The following RPH3AL variants were observed in gnomAD, a reference collection of about 807,000 sequenced individuals.
RPH3AL encodes rabphilin 3A like (without C2 domains).
A neutral mutation model predicts 43.1 loss-of-function variants in RPH3AL; 38 were observed. That is an observed-to-expected ratio of 0.88 (90% CI 0.68 to 1.15). The LOEUF is 1.15. Among genes scored for constraint, RPH3AL ranks in the 50% most tolerant of loss-of-function variants. The probability of loss-of-function intolerance (pLI) is 0.00; values close to 1 mark genes in which losing one functional copy is unlikely to be tolerated. For missense variants in RPH3AL, 462 were observed against 423.2 expected, an observed-to-expected ratio of 1.09 and a Z score of -0.81; for synonymous variants, 189 against 176.3, an observed-to-expected ratio of 1.07 and a Z score of -0.57.
At chr17:342,793 T>A in intron 1 of RPH3AL, among the ~76,000 whole-genome samples, 1 of 152,218 alleles carries the variant, frequency 6.6e-6, no homozygotes, top group East Asian at 1.9e-4. Context: ...CCCCCATTAC[T>A]CTGGTGAATG....
rs1254181786 is a variant in RPH3AL, at chr17:264,383, C to T, written c.439-17098G>A. On this transcript the variant is annotated intron_variant, in intron 6 of 9. Transcript: ENST00000331302. This position sits in a 1 kb window ranked among gnomAD's most constrained non-coding sequence, Gnocchi z 4.8. ...CTCAGAATCCGCAGCACGTTGACAGCAGGATTACCCTTCGGAGCCGTGCGC... is the reference window on the plus strand; with the variant it reads ...CTCAGAATCCGCAGCACGTTGACAGTAGGATTACCCTTCGGAGCCGTGCGC... 2.6e-5 allele frequency among the ~76,000 whole-genome samples: 2 copies of T among 75,834 alleles called. No homozygotes were observed. Among genetic ancestry groups the T allele is most frequent in the East Asian group, 1.1e-3 (2 of 1,782 alleles). The allele number at this position is 75,834 out of a possible 152,430, so 49.8% of individuals were successfully genotyped here.
At chr17:277,062 G>A (rs2042672580) in intron 6 of RPH3AL, among the ~76,000 whole-genome samples, 1 of 152,084 alleles carries the variant, frequency 6.6e-6, no homozygotes, top group Admixed American at 6.6e-5. Flanking sequence ...AATAATCATT[G>A]ATTTTCCTCC....
intron 6 of RPH3AL, among the ~76,000 whole-genome samples, chr17:252,045 A>C (rs2151554286): frequency 6.7e-6 from 1 of 149,784 alleles, no homozygotes; most frequent in South Asian, 2.1e-4. Context: ...CAATCGGCTC[A>C]CTGCAGCCTT....
chr17:236,807 G>A (rs2041406498), intron 7 of RPH3AL, among the ~76,000 whole-genome samples: 1 of 152,272 alleles, frequency 6.6e-6, no homozygotes, highest in Non-Finnish European at 1.5e-5. Context: ...GAAAAAGCCA[G>A]TGAGCGTCGA....
At position 246,212 on chromosome 17, in the gene RPH3AL, C is replaced by T. The variant is rs547767211; in HGVS notation, c.613+899G>A. Among the ~76,000 whole-genome samples, 15 of 152,294 alleles carry T rather than the reference C, an allele frequency of 9.8e-5. No homozygotes were observed. Among genetic ancestry groups the T allele is most frequent in the East Asian group, 5.8e-4 (3 of 5,166 alleles). On this transcript the variant is annotated intron_variant, in intron 7 of 9. Transcript: ENST00000331302. The surrounding 1 kb of genome is among the most constrained non-coding windows in gnomAD (Gnocchi z 4.8). Reference sequence around the variant, plus strand: ...AGGATGTCGCAAAGCCCCTGAGAAGCGGCCGCCAGGTCTATTGTGATGGGT... The same window carrying T: ...AGGATGTCGCAAAGCCCCTGAGAAGTGGCCGCCAGGTCTATTGTGATGGGT...
chr17:270,045 T>C (rs1371208092), intron 6 of RPH3AL, among the ~76,000 whole-genome samples: 1 of 152,078 alleles, frequency 6.6e-6, no homozygotes, highest in Non-Finnish European at 1.5e-5. Context: ...AGCGGGTCTC[T>C]CTGGCAGAGC....
intron 6 of RPH3AL, among the ~76,000 whole-genome samples, chr17:272,654 T>C (rs1597985729): frequency 1.4e-5 from 2 of 147,996 alleles, no homozygotes; most frequent in East Asian, 4.2e-4. Context: ...TACCTAATGC[T>C]AAAATGACGA....
intron 6 of RPH3AL, among the ~76,000 whole-genome samples, chr17:269,167 C>T (rs992331833): frequency 4.6e-5 from 7 of 152,114 alleles, no homozygotes; most frequent in African/African-American, 7.2e-5. Context: ...CGTGAGCCAC[C>T]GTGCCTGGCC....
At chr17:243,293 T>C (rs1306851775) in intron 7 of RPH3AL, among the ~76,000 whole-genome samples, 2 of 144,386 alleles carry the variant, frequency 1.4e-5, no homozygotes, top group East Asian at 2.0e-4. Context: ...CCTTCCTCTA[T>C]TGATTACCTT....
chr17:325,763 T>C (rs2044604484), intron 3 of RPH3AL, among the ~76,000 whole-genome samples: 1 of 152,154 alleles, frequency 6.6e-6, no homozygotes, highest in South Asian at 2.1e-4. Flanking sequence ...GCCTGGCACA[T>C]AGTAGGGGTT....
chr17:252,442 G>GT (rs2041929296), intron 6 of RPH3AL, among the ~76,000 whole-genome samples: 1 of 152,114 alleles, frequency 6.6e-6, no homozygotes, highest in Admixed American at 6.6e-5. Flanking sequence ...CACACTATTT[G>GT]TTTTTTGTTT....
intron 6 of RPH3AL, among the ~76,000 whole-genome samples, chr17:276,151 G>A (rs193157603): frequency 6.6e-6 from 1 of 152,290 alleles, no homozygotes; most frequent in African/African-American, 2.4e-5. Context: ...AATAACCAAT[G>A]AGAAGCAAAT....
chr17:215,882 T>G lies in RPH3AL; in HGVS notation c.728-80A>C. On this transcript the variant is annotated intron_variant, in intron 8 of 9. Transcript: ENST00000331302. This position sits in a 1 kb window ranked among gnomAD's most constrained non-coding sequence, Gnocchi z 4.1. ...CAGTCCAGTTCCTCGTTTGGAACTC[T>G]AGATCTCTATGGGATGTCTGCCCCC... 8.1e-7 allele frequency: 1 copy of G among 1,239,690 alleles called. No individual in the cohort carries two copies. The highest frequency in any genetic ancestry group is 1.0e-6 in the Non-Finnish European group (1 of 960,936). 76.8% of individuals were successfully genotyped at this position (1,239,690 alleles called of 1,614,324 possible).
At chr17:345,781 T>G (rs1347643228) in intron 1 of RPH3AL, among the ~76,000 whole-genome samples, 3 of 127,844 alleles carry the variant, frequency 2.3e-5, no homozygotes, top group African/African-American at 8.1e-5. Flanking sequence ...GCACGCGTGC[T>G]CCCCATCTGC....
intron 6 of RPH3AL, among the ~76,000 whole-genome samples, chr17:253,471 G>T (rs1490042856): frequency 6.6e-6 from 1 of 152,126 alleles, no homozygotes; most frequent in Non-Finnish European, 1.5e-5. Flanking sequence ...CCGGACCACG[G>T]TTTTGGCCTC....
Position 219,526 on chromosome 17 carries a change from C to CT in RPH3AL, c.727+96dup, listed in dbSNP as rs375837087. The CT allele has an allele frequency of 8.2e-3, 1,187 of 144,890 alleles. 14 individuals carry two copies. Among genetic ancestry groups the CT allele is most frequent in the East Asian group, 0.021 (168 of 7,968 alleles). The allele number at this position is 144,890 out of a possible 1,614,324, so 9.0% of individuals were successfully genotyped here. A position where few individuals can be genotyped will look rare whatever the true frequency, so the allele number is the denominator to read the frequency against. On this transcript the variant is annotated intron_variant, in intron 8 of 9. Coordinates refer to ENST00000331302, the MANE Select transcript of RPH3AL (RefSeq NM_006987.4). ...AGTTTCATTTCTTTTCTTTTTCTTC[C>CT]TTTTTTTTTTTTTTTTGAGATGGAG...
At chr17:270,462 G>A (rs987179835) in intron 6 of RPH3AL, among the ~76,000 whole-genome samples, 1 of 152,186 alleles carries the variant, frequency 6.6e-6, no homozygotes, top group East Asian at 1.9e-4. Context: ...ACCTTCCGTA[G>A]GCCTGTGAGG....
At chr17:259,778 C>T (rs944242234) in intron 6 of RPH3AL, among the ~76,000 whole-genome samples, 5 of 152,256 alleles carry the variant, frequency 3.3e-5, no homozygotes, top group South Asian at 2.1e-4. Context: ...CTCTGTGCTC[C>T]GCTTCCAGGT....
At chr17:242,761 T>C (rs75732746) in intron 7 of RPH3AL, among the ~76,000 whole-genome samples, 3,599 of 48,978 alleles carry the variant, frequency 0.073, 864 homozygotes, top group African/African-American at 0.32. Context: ...CCTCTATTGA[T>C]TACCTTCCTC....
Sources: gnomAD v4.1 joint callset for allele counts (sites outside exome capture counted in the v4.1 genomes callset) on GRCh38, gnomAD v4.1.1 for gene constraint, Gnocchi (gnomAD v3.1) non-coding constraint, MANE v1.5 for transcripts, NCBI Gene and HGNC (gene_info 2026-07-23, HGNC 2026-07-21) for gene names.